Variants in NBPF20 observed in about 807,000 individuals in gnomAD.
The protein encoded by NBPF20 is NBPF member 20.
In NBPF20, 90 loss-of-function variants were observed where a neutral mutation model predicts 68.1. That is an observed-to-expected ratio of 1.32 (90% CI 1.11 to 1.58). NBPF20 has a LOEUF of 1.58. Among genes scored for constraint, NBPF20 ranks in the 40% most tolerant of loss-of-function variants. The pLI, the probability that NBPF20 is intolerant of heterozygous loss-of-function variation, is 0.00. For synonymous variants in NBPF20, 290 were observed against 228.1 expected, an observed-to-expected ratio of 1.27 and a Z score of -2.45; for missense variants, 816 against 601.2, an observed-to-expected ratio of 1.36 and a Z score of -3.74.
chr1:145,393,529 G>T (rs1274381973), intron 9 of NBPF20, among the ~76,000 whole-genome samples: 4 of 151,824 alleles, frequency 2.6e-5, no homozygotes, highest in African/African-American at 9.7e-5. Flanking sequence ...ACACACTGAT[G>T]AGGGAGTCAA....
intron 9 of NBPF20, among the ~76,000 whole-genome samples, 181 bp from the exon 15 acceptor site, chr1:145,393,427 A>C (rs1345196546): frequency 4.6e-4 from 67 of 147,200 alleles, no homozygotes; most frequent in African/African-American, 1.6e-3. Flanking sequence ...AAAGGATGAA[A>C]GAGAGAGACA....
At chr1:145,419,372 T>A in the NBPF20 span, among the ~76,000 whole-genome samples, 1 of 152,210 alleles carries the variant, frequency 6.6e-6, no homozygotes, top group African/African-American at 2.4e-5. Flanking sequence ...ACTGTAAAAC[T>A]ATATACTGTT....
intron 6 of NBPF20, 34 bp downstream of exon 11, chr1:145,400,355 G>A (rs1662462085): frequency 1.2e-6 from 2 of 1,611,740 alleles, no homozygotes; most frequent in Non-Finnish European, 1.7e-6. Flanking sequence ...TCAGCCTAGA[G>A]AGAGGTATGA....
chr1:145,290,196 TA>T (rs1660976904), exon 138 of NBPF20: 1 of 148,516 alleles, frequency 6.7e-6, no homozygotes, highest in Non-Finnish European at 1.5e-5. Context: ...GGAGGATTAA[TA>T]AATGATAAAA....
intron 7 of NBPF20, among the ~76,000 whole-genome samples, chr1:145,398,569 T>C (rs1432323220): frequency 6.6e-6 from 1 of 152,110 alleles, no homozygotes; most frequent in Non-Finnish European, 1.5e-5. Context: ...CTGGGACACA[T>C]TTAAAGCAAT....
At chr1:145,307,177 C>A (rs1661422477) in intron 118 of NBPF20, among the ~76,000 whole-genome samples, 1 of 31,094 alleles carries the variant, frequency 3.2e-5, no homozygotes, top group Non-Finnish European at 5.1e-5. Context: ...AATCTACAAA[C>A]CCTTCAGTCC....
exon 3 of NBPF20, chr1:145,403,271 G>C (rs1553665948): frequency 3.7e-6 from 6 of 1,611,258 alleles, no homozygotes. Flanking sequence ...TTGAACTGTC[G>C]CTCATTCCTC....
At chr1:145,406,126 G>A (rs1426033529), upstream of NBPF20, among the ~76,000 whole-genome samples, 4 of 142,282 alleles carry the variant, frequency 2.8e-5, no homozygotes, top group Admixed American at 7.2e-5. Context: ...TAGTAGAGAC[G>A]GGGTTTCACT....
upstream of NBPF20, among the ~76,000 whole-genome samples, chr1:145,408,332 C>T (rs1427276945): frequency 2.6e-5 from 4 of 151,912 alleles, no homozygotes; most frequent in Admixed American, 2.6e-4. Context: ...AGACACCTTC[C>T]CCCACCCATA....
intron 9 of NBPF20, among the ~76,000 whole-genome samples, chr1:145,393,510 G>C (rs1342087014): frequency 6.6e-6 from 1 of 150,918 alleles, no homozygotes; most frequent in Non-Finnish European, 1.5e-5. Flanking sequence ...TCAGTGAATT[G>C]GTCAGGTGAC....
chr1:145,352,292 C>A lies in NBPF20; in HGVS notation c.7350-203G>T, dbSNP rs1349893756. ...TGAAAGAGAAAGACAGATAGACACA[C>A]ACACACACACACACACACACACACA... On this transcript the variant is annotated intron_variant, in intron 61 of 137. Transcript: ENST00000369373. 6.6e-5 allele frequency among the ~76,000 whole-genome samples: 6 copies of A among 90,312 alleles called. No individual in the cohort carries two copies. In the East Asian group the frequency reaches 9.9e-4, roughly 15 times the overall value. 59.2% of individuals were successfully genotyped at this position (90,312 alleles called of 152,430 possible).
chr1:145,409,776 G>C (rs1198446183), upstream of NBPF20, among the ~76,000 whole-genome samples: 1 of 151,954 alleles, frequency 6.6e-6, no homozygotes, highest in East Asian at 1.9e-4. Context: ...ATTAAAAGAA[G>C]TTAATCATTT....
At chr1:145,421,595 A>C in the NBPF20 span, among the ~76,000 whole-genome samples, 1 of 152,118 alleles carries the variant, frequency 6.6e-6, no homozygotes, top group African/African-American at 2.4e-5. Flanking sequence ...GGTGAATAAG[A>C]GACAAAATCT....
chr1:145,420,393 G>A, the NBPF20 span, among the ~76,000 whole-genome samples: 2 of 150,746 alleles, frequency 1.3e-5, no homozygotes, highest in Middle Eastern at 6.9e-3. Flanking sequence ...GCCCTGCGAT[G>A]TTTAGGGCCC....
the NBPF20 span, among the ~76,000 whole-genome samples, chr1:145,424,264 C>T: frequency 6.6e-6 from 1 of 150,508 alleles, no homozygotes; most frequent in Non-Finnish European, 1.5e-5. Flanking sequence ...GTGTGATCTA[C>T]CGCGCCCGGA....
At chr1:145,409,986 C>T (rs1164193654), upstream of NBPF20, among the ~76,000 whole-genome samples, 3 of 151,992 alleles carry the variant, frequency 2.0e-5, no homozygotes, top group Non-Finnish European at 1.5e-5. Flanking sequence ...GCATCCCGCC[C>T]CTCAGGTTGG....
At chr1:145,393,238 C>G in exon 10 of NBPF20, 1 of 632,542 alleles carries the variant, frequency 1.6e-6, no homozygotes, top group Non-Finnish European at 2.8e-6. Context: ...CAGCAGCTCC[C>G]TGCTGAGCCT....
the NBPF20 span, among the ~76,000 whole-genome samples, chr1:145,423,675 TACTC>T: frequency 6.6e-6 from 1 of 151,246 alleles, no homozygotes; most frequent in Admixed American, 6.6e-5. Flanking sequence ...CAATAAAAGA[TACTC>T]AATCTCAATA....
At chr1:145,415,293 A>G in the NBPF20 span, among the ~76,000 whole-genome samples, 3 of 151,740 alleles carry the variant, frequency 2.0e-5, no homozygotes, top group African/African-American at 4.8e-5. Flanking sequence ...CAGTAGATGG[A>G]ATATACAATC....
Sources: allele counts gnomAD v4.1 joint callset (sites outside exome capture counted in the v4.1 genomes callset), GRCh38; gene constraint gnomAD v4.1.1; transcripts MANE v1.5; gene names NCBI Gene and HGNC (gene_info 2026-07-23, HGNC 2026-07-21).